NDUFAF2: variants seen among roughly 807,000 people sequenced by gnomAD.
NDUFAF2 encodes NADH:ubiquinone oxidoreductase complex assembly factor 2, also known as NADH dehydrogenase [ubiquinone] 1 alpha subcomplex assembly factor 2.
Under a neutral mutation model 22.8 loss-of-function variants are expected in NDUFAF2, and 13 were observed. That is an observed-to-expected ratio of 0.57 (90% CI 0.37 to 0.91). The LOEUF is 0.91. Among genes scored for constraint, NDUFAF2 ranks in the 40% least tolerant of loss-of-function variants. The probability of loss-of-function intolerance (pLI) is 0.01; values close to 1 mark genes in which losing one functional copy is unlikely to be tolerated. For synonymous variants in NDUFAF2, 53 were observed against 64.2 expected (o/e 0.83, Z 0.84); for missense variants, 162 against 195.2 (o/e 0.83, Z 1.01).
At chr5:61,109,019 G>A (rs1372327627) in intron 3 of NDUFAF2, among the ~76,000 whole-genome samples, 2 of 152,072 alleles carry the variant, frequency 1.3e-5, no homozygotes, top group African/African-American at 4.8e-5. Flanking sequence ...GATAGGATTT[G>A]CATTGAATCT....
At chr5:61,026,334 A>G (rs1340361281) in intron 1 of NDUFAF2, among the ~76,000 whole-genome samples, 1 of 152,092 alleles carries the variant, frequency 6.6e-6, no homozygotes, top group South Asian at 2.1e-4. Flanking sequence ...AAGGGTTTAC[A>G]CTGACCAGGA....
chr5:61,022,863 T>G (rs1751601595), intron 1 of NDUFAF2, among the ~76,000 whole-genome samples: 1 of 152,228 alleles, frequency 6.6e-6, no homozygotes, highest in East Asian at 1.9e-4. Flanking sequence ...CAGGCTGGTC[T>G]TGAACTCCTC....
intron 3 of NDUFAF2, among the ~76,000 whole-genome samples, chr5:61,111,585 C>T (rs1245735156): frequency 2.0e-5 from 3 of 151,802 alleles, no homozygotes; most frequent in African/African-American, 2.4e-5. Flanking sequence ...CACAGGTGCT[C>T]GCCACTACAC....
intron 2 of NDUFAF2, among the ~76,000 whole-genome samples, chr5:61,075,658 G>T (rs540429494): frequency 6.6e-5 from 10 of 152,154 alleles, no homozygotes; most frequent in African/African-American, 2.4e-4. Context: ...TGGCTGTCCT[G>T]ATCTAGTAAT....
intron 3 of NDUFAF2, among the ~76,000 whole-genome samples, chr5:61,134,428 G>A (rs547368504): frequency 5.3e-5 from 8 of 152,312 alleles, no homozygotes; most frequent in Non-Finnish European, 7.4e-5. Context: ...GCTCACGCCT[G>A]TAATCCCAGC....
chr5:61,145,931 T>G (rs955463299), intron 3 of NDUFAF2: 4 of 152,188 alleles, frequency 2.6e-5, no homozygotes, highest in Admixed American at 2.6e-4. Context: ...TGACTCTCAA[T>G]TGTCAACTCC....
At chr5:60,950,428 G>A (rs1580062977) in intron 1 of NDUFAF2, among the ~76,000 whole-genome samples, 1 of 151,870 alleles carries the variant, frequency 6.6e-6, no homozygotes, top group Non-Finnish European at 1.5e-5. Flanking sequence ...CAGATGATCT[G>A]CCCACCTTGG....
chr5:61,105,365 G>T (rs940869748), intron 3 of NDUFAF2, among the ~76,000 whole-genome samples: 1 of 151,048 alleles, frequency 6.6e-6, no homozygotes, highest in African/African-American at 2.5e-5. Flanking sequence ...TCTTAAAATT[G>T]CCATTTTATG....
chr5:61,123,695 G>A (rs913598584), intron 3 of NDUFAF2, among the ~76,000 whole-genome samples: 3 of 152,134 alleles, frequency 2.0e-5, no homozygotes, highest in African/African-American at 7.2e-5. Context: ...ATTGATAAAT[G>A]CTGCTAGCAA....
chr5:60,981,895 A>T (rs1383388072), intron 1 of NDUFAF2, among the ~76,000 whole-genome samples: 1 of 152,206 alleles, frequency 6.6e-6, no homozygotes, highest in Non-Finnish European at 1.5e-5. Context: ...AAAACTGGAT[A>T]TCCATATGTA....
chr5:60,969,043 G>A (rs1750794642), intron 1 of NDUFAF2, among the ~76,000 whole-genome samples: 1 of 151,970 alleles, frequency 6.6e-6, no homozygotes, highest in South Asian at 2.1e-4. Context: ...TGACAGGATT[G>A]CATTCTTTTT....
chr5:61,099,080 G>A (rs912487679), intron 3 of NDUFAF2, 48 bp downstream of exon 3: 58 of 1,313,334 alleles, frequency 4.4e-5, no homozygotes, highest in Admixed American at 2.7e-4. Flanking sequence ...TATTCCCAAG[G>A]ATATACGAAG....
At chr5:60,962,486 C>CT (rs1441380173) in intron 1 of NDUFAF2, among the ~76,000 whole-genome samples, 1 of 152,078 alleles carries the variant, frequency 6.6e-6, no homozygotes. Context: ...CTTCATGAAA[C>CT]TTTATCTTTT....
chr5:61,055,960 C>T (rs765535072), intron 1 of NDUFAF2, among the ~76,000 whole-genome samples: 3 of 152,032 alleles, frequency 2.0e-5, no homozygotes, highest in Non-Finnish European at 2.9e-5. Flanking sequence ...ATACATAATG[C>T]TCAATAAATA....
At chr5:61,009,513 A>C (rs919237416) in intron 1 of NDUFAF2, among the ~76,000 whole-genome samples, 1 of 152,138 alleles carries the variant, frequency 6.6e-6, no homozygotes, top group Non-Finnish European at 1.5e-5. Context: ...GAATTAAACT[A>C]AATCAATTAA....
chr5:61,039,239 ATTAT>A (rs1375160803), intron 1 of NDUFAF2, among the ~76,000 whole-genome samples: 1 of 151,906 alleles, frequency 6.6e-6, no homozygotes, highest in Non-Finnish European at 1.5e-5. Flanking sequence ...TTGTACTCGC[ATTAT>A]TTAAGTTACT....
At chr5:61,082,247 A>T (rs1413254867) in intron 2 of NDUFAF2, among the ~76,000 whole-genome samples, 1 of 152,128 alleles carries the variant, frequency 6.6e-6, no homozygotes, top group Non-Finnish European at 1.5e-5. Context: ...GATGAAATAG[A>T]AGCCAAGAGT....
chr5:60,945,405 G>C, intron 1 of NDUFAF2, 23 bp downstream of exon 1: 1 of 1,614,182 alleles, frequency 6.2e-7, no homozygotes. Context: ...CGTGGGCAGC[G>C]ATTGCGTGGT....
chr5:61,097,763 T>A (rs1484820589), intron 2 of NDUFAF2, among the ~76,000 whole-genome samples: 1 of 152,246 alleles, frequency 6.6e-6, no homozygotes, highest in Non-Finnish European at 1.5e-5. Flanking sequence ...TTTCTCTTTC[T>A]GGTTTAATAT....
Sources: allele counts gnomAD v4.1 joint callset (sites outside exome capture counted in the v4.1 genomes callset), GRCh38; gene constraint gnomAD v4.1.1; transcripts MANE v1.5; gene names NCBI Gene and HGNC (gene_info 2026-07-23, HGNC 2026-07-21).